The following TSPAN9 variants were observed in gnomAD, a reference collection of about 807,000 sequenced individuals.
TSPAN9 encodes the protein tetraspanin 9.
Under a neutral mutation model 31.0 loss-of-function variants are expected in TSPAN9, and 16 were observed. The ratio of observed to expected loss-of-function variants is 0.52; its 90% CI spans 0.35 to 0.78. The LOEUF (loss-of-function observed/expected upper bound fraction) is 0.78, where lower values mean the gene tolerates loss of function less well. Ranked by LOEUF, TSPAN9 falls within the 30% of genes least tolerant of loss-of-function variation. The pLI is 0.01. For synonymous variants in TSPAN9, 145 were observed against 121.6 expected (o/e 1.19, Z -1.27); for missense variants, 272 against 312.5 (o/e 0.87, Z 0.98).
At chr12:3,204,187 C>T (rs983066051) in intron 3 of TSPAN9, among the ~76,000 whole-genome samples, 7 of 152,166 alleles carry the variant, frequency 4.6e-5, no homozygotes, top group Non-Finnish European at 7.3e-5. Context: ...CTGAGGGCTG[C>T]GATCAATAGA....
chr12:3,243,437 C>G (rs910337675), intron 3 of TSPAN9, among the ~76,000 whole-genome samples: 5 of 152,188 alleles, frequency 3.3e-5, no homozygotes, highest in African/African-American at 1.2e-4. Context: ...TCTGGTTTCA[C>G]GGCAGTTTGT....
intron 3 of TSPAN9, among the ~76,000 whole-genome samples, chr12:3,248,293 G>A (rs661800): frequency 0.86 from 131,518 of 152,186 alleles, 58,495 homozygotes; most frequent in Non-Finnish European, 0.98. Flanking sequence ...GATTGGAGGT[G>A]TCATTCCTTG....
chr12:3,152,563 G>C (rs899493057), intron 2 of TSPAN9, among the ~76,000 whole-genome samples: 1 of 152,186 alleles, frequency 6.6e-6, no homozygotes, highest in Admixed American at 6.5e-5. Flanking sequence ...TAGCCTAGAG[G>C]CTGTCGTCAG....
intron 3 of TSPAN9, among the ~76,000 whole-genome samples, chr12:3,233,048 A>G (rs545432319): frequency 1.3e-5 from 2 of 152,242 alleles, no homozygotes; most frequent in Admixed American, 1.3e-4. Context: ...GCCTTTGCTG[A>G]TCACAGGTGT....
chr12:3,211,946 G>A (rs1394525450), intron 3 of TSPAN9: 22 of 1,201,306 alleles, frequency 1.8e-5, no homozygotes, highest in East Asian at 4.7e-5. Context: ...CGTCACCACC[G>A]GAAAGCAAAA....
intron 2 of TSPAN9, among the ~76,000 whole-genome samples, chr12:3,085,359 G>T (rs1668526222): frequency 6.6e-6 from 1 of 151,720 alleles, no homozygotes; most frequent in Non-Finnish European, 1.5e-5. Flanking sequence ...GGCCTGTATG[G>T]CCTTGGGGAG....
intron 2 of TSPAN9, among the ~76,000 whole-genome samples, chr12:3,119,565 C>T (rs1386015641): frequency 6.6e-6 from 1 of 152,182 alleles, no homozygotes; most frequent in East Asian, 1.9e-4. Context: ...CTCTCCCTCC[C>T]CATCCTCTCA....
chr12:3,085,632 G>A (rs1362761515), intron 2 of TSPAN9, among the ~76,000 whole-genome samples: 1 of 152,114 alleles, frequency 6.6e-6, no homozygotes, highest in African/African-American at 2.4e-5. Context: ...ACTGCTGTGC[G>A]AACTTGGGCA....
chr12:3,246,332 G>T (rs632329), intron 3 of TSPAN9, among the ~76,000 whole-genome samples: 95,268 of 151,760 alleles, frequency 0.63, 31,042 homozygotes, highest in South Asian at 0.81. Flanking sequence ...AATATGAATT[G>T]GTGGGGACCA....
intron 3 of TSPAN9, among the ~76,000 whole-genome samples, chr12:3,236,382 A>C (rs1400837361): frequency 6.6e-6 from 1 of 152,150 alleles, no homozygotes; most frequent in Non-Finnish European, 1.5e-5. Flanking sequence ...ACCTGAGAGG[A>C]AGGTGTTATG....
intron 2 of TSPAN9, among the ~76,000 whole-genome samples, chr12:3,089,530 C>CAA: frequency 1.3e-5 from 2 of 151,894 alleles, no homozygotes; most frequent in Non-Finnish European, 1.5e-5. Flanking sequence ...CTCCTGACCT[C>CAA]GTGATCCGCC....
chr12:3,271,807 C>T (rs1862683218), intron 3 of TSPAN9, among the ~76,000 whole-genome samples: 1 of 152,100 alleles, frequency 6.6e-6, no homozygotes, highest in Non-Finnish European at 1.5e-5. Context: ...GCTGCGGGGG[C>T]CCTTGGAGGC....
At chr12:3,109,083 T>A (rs371076793) in intron 2 of TSPAN9, among the ~76,000 whole-genome samples, 1 of 151,834 alleles carries the variant, frequency 6.6e-6, no homozygotes, top group African/African-American at 2.4e-5. Context: ...CTACAGGCAC[T>A]CGCCACCACG....
chr12:3,273,301 A>AT (rs1265146161), intron 3 of TSPAN9: 1 of 152,212 alleles, frequency 6.6e-6, no homozygotes, highest in African/African-American at 2.4e-5. Context: ...TGTAGCCCTG[A>AT]TTTGAAGTTA....
intron 3 of TSPAN9, among the ~76,000 whole-genome samples, chr12:3,209,136 G>A (rs529939808): frequency 1.3e-3 from 203 of 152,022 alleles, no homozygotes; most frequent in African/African-American, 4.5e-3. Context: ...TCAGGAGGCT[G>A]AGGCAGGAGA....
intron 1 of TSPAN9, among the ~76,000 whole-genome samples, chr12:3,082,216 G>A (rs1484996311): frequency 6.6e-6 from 1 of 152,196 alleles, no homozygotes; most frequent in African/African-American, 2.4e-5. Flanking sequence ...GCAGCAAGTG[G>A]TGGTGGACAT....
chr12:3,080,378 C>A (rs1419852239), intron 1 of TSPAN9, among the ~76,000 whole-genome samples: 1 of 152,172 alleles, frequency 6.6e-6, no homozygotes, highest in Non-Finnish European at 1.5e-5. Context: ...CTCTGTCGCC[C>A]AGGCTGGAGT....
intron 2 of TSPAN9, among the ~76,000 whole-genome samples, chr12:3,158,818 A>G (rs1026982857): frequency 4.6e-4 from 68 of 148,150 alleles, no homozygotes; most frequent in African/African-American, 1.6e-3. Flanking sequence ...TGTGCTTTTG[A>G]TCACTTAGCC....
chr12:3,168,304 T>G lies in TSPAN9; in HGVS notation c.-17-32873T>G, dbSNP rs1565600157. Among the ~76,000 whole-genome samples the G allele has an allele frequency of 6.6e-6, 1 of 152,200 alleles. No individual in the cohort carries two copies. The highest frequency in any genetic ancestry group is 1.5e-5 in the Non-Finnish European group (1 of 68,048). On this transcript the variant is annotated intron_variant, in intron 2 of 8. Transcript: ENST00000011898. This position sits in a 1 kb window ranked among gnomAD's most constrained non-coding sequence, Gnocchi z 4.0. Reference sequence around the variant, plus strand: ...TAGTTGCTAAGGTCTTCATAAAATCTCCCCTCTAGCGCTCGTCTTTTTGCT... The same window carrying G: ...TAGTTGCTAAGGTCTTCATAAAATCGCCCCTCTAGCGCTCGTCTTTTTGCT...
Sources: gnomAD v4.1 joint callset for allele counts (sites outside exome capture counted in the v4.1 genomes callset) on GRCh38, gnomAD v4.1.1 for gene constraint, Gnocchi (gnomAD v3.1) non-coding constraint, MANE v1.5 for transcripts, NCBI Gene and HGNC (gene_info 2026-07-23, HGNC 2026-07-21) for gene names.